Variants in DIP2C observed in about 807,000 individuals in gnomAD.
DIP2C encodes the protein disco-interacting protein 2 homolog C.
Under a neutral mutation model 192.4 loss-of-function variants are expected in DIP2C, and 33 were observed. The ratio of observed to expected loss-of-function variants is 0.17; its 90% CI spans 0.13 to 0.23. The LOEUF is 0.23. Ranked by LOEUF, DIP2C falls within the 10% of genes least tolerant of loss-of-function variation. The probability of loss-of-function intolerance (pLI) is 1.00; values close to 1 mark genes in which losing one functional copy is unlikely to be tolerated. For synonymous variants in DIP2C, 979 were observed against 864.1 expected (o/e 1.13, Z -2.33); for missense variants, 1,537 against 2,110.1 (o/e 0.73, Z 5.32).
At chr10:419,527 G>T (rs1044401094) in intron 5 of DIP2C, among the ~76,000 whole-genome samples, 2 of 152,324 alleles carry the variant, frequency 1.3e-5, no homozygotes, top group Admixed American at 1.3e-4. Flanking sequence ...TCACGGAGGG[G>T]TCCTGTTTCC....
intron 1 of DIP2C, among the ~76,000 whole-genome samples, chr10:541,102 GCCACAACACCCGATGCTGGGGAGCCA>G (rs1847961450): frequency 6.7e-6 from 1 of 148,612 alleles, no homozygotes; most frequent in Non-Finnish European, 1.5e-5. Context: ...ATGCTGGGGA[GCCACAACACCCGATGCTGGGGAGCCA>G]CAACACCCGA....
chr10:316,263 AAAG>A (rs1387612644), intron 31 of DIP2C, among the ~76,000 whole-genome samples: 1 of 152,214 alleles, frequency 6.6e-6, no homozygotes, highest in Non-Finnish European at 1.5e-5. Flanking sequence ...ATTGTATTTA[AAAG>A]AACAGTAAAG....
intron 1 of DIP2C, among the ~76,000 whole-genome samples, chr10:501,023 G>C (rs1483773352): frequency 1.3e-5 from 2 of 152,180 alleles, no homozygotes; most frequent in African/African-American, 2.4e-5. Context: ...TATGTAATAA[G>C]CTCAAGTTAT....
rs373925617 is a variant in DIP2C at position 399,089 on chromosome 10, G to A, written c.1260+20C>T. ...GCCATCTCACTCAGCGAGAAACCGA[G>A]CAAAGGGCGCATTCCTTACCTTCCT... On this transcript the variant is annotated intron_variant, in intron 10 of 36. Transcript: ENST00000280886. 2 of 1,596,002 alleles carry A rather than the reference G, an allele frequency of 1.3e-6. No individual in the cohort carries two copies. Among genetic ancestry groups the A allele is most frequent in the African/African-American group, 2.7e-5 (2 of 74,606 alleles).
chr10:549,824 T>C (rs1311606828), intron 1 of DIP2C, among the ~76,000 whole-genome samples: 3 of 152,088 alleles, frequency 2.0e-5, no homozygotes, highest in African/African-American at 7.2e-5. Context: ...CTAATTCACA[T>C]AGATCTGAGT....
chr10:443,385 G>A (rs1046354438), intron 3 of DIP2C, among the ~76,000 whole-genome samples: 2 of 152,090 alleles, frequency 1.3e-5, no homozygotes, highest in Non-Finnish European at 2.9e-5. Context: ...AATTATAATG[G>A]TTTGTTTTGG....
intron 32 of DIP2C, among the ~76,000 whole-genome samples, chr10:293,845 A>G (rs1253248603): frequency 6.6e-6 from 1 of 152,206 alleles, no homozygotes; most frequent in Non-Finnish European, 1.5e-5. Context: ...AGCCCTAACA[A>G]AAGCTACAGA....
chr10:579,425 T>C (rs1850427189), intron 1 of DIP2C, among the ~76,000 whole-genome samples: 1 of 151,712 alleles, frequency 6.6e-6, no homozygotes, highest in African/African-American at 2.4e-5. Flanking sequence ...CGTATGTACA[T>C]AGGTACACTA....
intron 3 of DIP2C, among the ~76,000 whole-genome samples, chr10:452,071 C>T (rs141934429): frequency 6.6e-6 from 1 of 152,236 alleles, no homozygotes; most frequent in East Asian, 1.9e-4. Flanking sequence ...CACAGCTGAC[C>T]CACAGGATCG....
chr10:491,105 C>A (rs576630566), intron 1 of DIP2C, among the ~76,000 whole-genome samples: 1 of 152,206 alleles, frequency 6.6e-6, no homozygotes, highest in African/African-American at 2.4e-5. Flanking sequence ...GCCTCAGGCA[C>A]GCACCAGCCA....
chr10:507,005 C>T (rs1564800174), intron 1 of DIP2C, among the ~76,000 whole-genome samples: 2 of 152,082 alleles, frequency 1.3e-5, no homozygotes, highest in African/African-American at 4.8e-5. Context: ...TGGTCACCCA[C>T]TGTGCACGAT....
At chr10:542,125 AG>A (rs911347468) in intron 1 of DIP2C, among the ~76,000 whole-genome samples, 1 of 152,172 alleles carries the variant, frequency 6.6e-6, no homozygotes, top group African/African-American at 2.4e-5. Context: ...CAACACCTTG[AG>A]GCCACATCCC....
intron 29 of DIP2C, among the ~76,000 whole-genome samples, chr10:336,558 T>TG: frequency 6.6e-6 from 1 of 152,354 alleles, no homozygotes; most frequent in Admixed American, 6.5e-5. Context: ...GTACACAACT[T>TG]AATACTTTAA....
At chr10:456,869 G>A (rs1345091209) in intron 3 of DIP2C, among the ~76,000 whole-genome samples, 1 of 152,232 alleles carries the variant, frequency 6.6e-6, no homozygotes, top group African/African-American at 2.4e-5. Flanking sequence ...AAGGCAAGAA[G>A]ATTTTATTTT....
chr10:566,707 C>A (rs1849486525), intron 1 of DIP2C, among the ~76,000 whole-genome samples: 1 of 152,372 alleles, frequency 6.6e-6, no homozygotes, highest in East Asian at 1.9e-4. Flanking sequence ...TCAAAGACAA[C>A]AACGGTGCCT....
At chr10:592,861 G>A (rs1044420296) in intron 1 of DIP2C, among the ~76,000 whole-genome samples, 1 of 151,482 alleles carries the variant, frequency 6.6e-6, no homozygotes, top group Non-Finnish European at 1.5e-5. Context: ...AAATCTGAGA[G>A]CAGGTATGAC....
At chr10:525,874 G>GC (rs1847022902) in intron 1 of DIP2C, among the ~76,000 whole-genome samples, 1 of 152,160 alleles carries the variant, frequency 6.6e-6, no homozygotes, top group Admixed American at 6.5e-5. Flanking sequence ...TCAACCCAGG[G>GC]CCTCTCAGGT....
chr10:650,999 G>A (rs1242257879), intron 1 of DIP2C: 1 of 717,412 alleles, frequency 1.4e-6, no homozygotes. Context: ...CTCTCCCGGT[G>A]CCAGGGCTCA....
rs1373253520 is a variant in DIP2C, at chr10:449,476, TTAAA to T, written c.269-8484_269-8481del. Among the ~76,000 whole-genome samples the T allele has an allele frequency of 5.9e-5, 9 of 152,154 alleles. No homozygotes were observed. The South Asian group carries it at 1.9e-3, about 32-fold the overall frequency. On this transcript the variant is annotated intron_variant, in intron 3 of 36. Transcript: ENST00000280886. ...CCAAAGTCACGGTACTTTCCTACTC[TTAAA>T]TAATTTATCAAGAGTCCTGAAAAGT... is the stretch of plus-strand genomic sequence containing the variant.
Sources: gnomAD v4.1 joint callset for allele counts (sites outside exome capture counted in the v4.1 genomes callset) on GRCh38, gnomAD v4.1.1 for gene constraint, MANE v1.5 for transcripts, NCBI Gene and HGNC (gene_info 2026-07-23, HGNC 2026-07-21) for gene names.